Variants in ZMAT4 observed in about 807,000 individuals in gnomAD.
ZMAT4 encodes zinc finger matrin-type protein 4.
A neutral mutation model predicts 28.7 loss-of-function variants in ZMAT4; 17 were observed. The ratio of observed to expected loss-of-function variants is 0.59; its 90% CI spans 0.41 to 0.89. The LOEUF (loss-of-function observed/expected upper bound fraction) is 0.89, where lower values mean the gene tolerates loss of function less well. ZMAT4 is among the 40% of genes least tolerant of loss of function. ZMAT4 has a pLI of 0.00. For missense variants in ZMAT4, 240 were observed against 283.8 expected, an observed-to-expected ratio of 0.85 and a Z score of 1.11; for synonymous variants, 117 against 109.2, an observed-to-expected ratio of 1.07 and a Z score of -0.44.
At chr8:40,669,305 G>A (rs916843987) in intron 5 of ZMAT4, among the ~76,000 whole-genome samples, 4 of 151,980 alleles carry the variant, frequency 2.6e-5, no homozygotes, top group African/African-American at 9.7e-5. Flanking sequence ...TATGACATGG[G>A]CCCTTATATG....
chr8:40,772,701 G>A (rs1813430794), intron 2 of ZMAT4, among the ~76,000 whole-genome samples: 1 of 152,150 alleles, frequency 6.6e-6, no homozygotes, highest in African/African-American at 2.4e-5. Flanking sequence ...TGATTTCCTA[G>A]ATAAGTCTTC....
At chr8:40,677,295 A>AT (rs11311291) in intron 4 of ZMAT4, among the ~76,000 whole-genome samples, 346 of 144,224 alleles carry the variant, frequency 2.4e-3, no homozygotes, top group African/African-American at 5.7e-3. Context: ...AGTTTAAAGG[A>AT]TTTTTTTTTT....
chr8:40,551,741 G>A (rs553074732), intron 6 of ZMAT4, among the ~76,000 whole-genome samples: 4 of 152,274 alleles, frequency 2.6e-5, no homozygotes, highest in Non-Finnish European at 2.9e-5. Flanking sequence ...TCTCACTTAG[G>A]TAGATGCTAT....
intron 5 of ZMAT4, among the ~76,000 whole-genome samples, chr8:40,633,149 C>T (rs1446062690): frequency 2.0e-5 from 3 of 152,180 alleles, no homozygotes; most frequent in African/African-American, 7.2e-5. Flanking sequence ...TTTTGACTTT[C>T]AAGACCTAAT....
intron 1 of ZMAT4, among the ~76,000 whole-genome samples, chr8:40,883,379 C>T (rs575721661): frequency 1.2e-4 from 19 of 152,296 alleles, no homozygotes; most frequent in African/African-American, 4.6e-4. Flanking sequence ...TCATGGTTCA[C>T]ACCAGCATTT....
chr8:40,646,421 T>C lies in ZMAT4; in HGVS notation c.577+28283A>G, dbSNP rs1807318817. ...TATTCTACTTAGAATTAATATTGTA[T>C]CACTTTCCATAAAGTATAAAAACCT... On this transcript the variant is annotated intron_variant, in intron 5 of 6. Coordinates refer to ENST00000297737, the MANE Select transcript of ZMAT4 (RefSeq NM_024645.3). Among the ~76,000 whole-genome samples, 3 of 152,020 alleles carry C rather than the reference T, an allele frequency of 2.0e-5. No homozygotes were observed. The South Asian group carries it at 6.2e-4, about 32-fold the overall frequency.
At chr8:40,750,548 C>T (rs572994517) in intron 3 of ZMAT4, among the ~76,000 whole-genome samples, 134 of 152,166 alleles carry the variant, frequency 8.8e-4, no homozygotes, top group African/African-American at 3.0e-3. Context: ...TTATTAAAAG[C>T]GAATGATACA....
chr8:40,687,783 G>T (rs1349968313), intron 4 of ZMAT4, among the ~76,000 whole-genome samples: 1 of 152,064 alleles, frequency 6.6e-6, no homozygotes, highest in Non-Finnish European at 1.5e-5. Context: ...AAAATGAAAG[G>T]CCAGGCATTA....
intron 5 of ZMAT4, among the ~76,000 whole-genome samples, chr8:40,664,585 G>T (rs1048214303): frequency 6.6e-6 from 1 of 152,164 alleles, no homozygotes; most frequent in Non-Finnish European, 1.5e-5. Flanking sequence ...CTCCAGCCTC[G>T]TTCAAGCTTT....
chr8:40,581,127 T>C, intron 6 of ZMAT4, 38 bp downstream of exon 6: 4 of 1,545,738 alleles, frequency 2.6e-6, no homozygotes, highest in Non-Finnish European at 3.6e-6. Context: ...AAAAATTACA[T>C]CGAAGAAACT....
chr8:40,686,053 T>C (rs563675523), intron 4 of ZMAT4, among the ~76,000 whole-genome samples: 147 of 152,294 alleles, frequency 9.7e-4, no homozygotes, highest in African/African-American at 3.5e-3. Flanking sequence ...ATTCATATAG[T>C]CATGTTTCAT....
chr8:40,681,532 C>T (rs1459809330), intron 4 of ZMAT4, among the ~76,000 whole-genome samples: 2 of 152,178 alleles, frequency 1.3e-5, no homozygotes, highest in East Asian at 1.9e-4. Flanking sequence ...GTAGTGCTGT[C>T]ACCACACAGT....
chr8:40,873,337 T>C (rs1169876525), intron 1 of ZMAT4, among the ~76,000 whole-genome samples: 2 of 152,202 alleles, frequency 1.3e-5, no homozygotes, highest in Non-Finnish European at 1.5e-5. Context: ...TAAAACATTA[T>C]ACAAAATGCA....
At chr8:40,576,531 G>GAAAAA (rs202047657) in intron 6 of ZMAT4, among the ~76,000 whole-genome samples, 1 of 130,036 alleles carries the variant, frequency 7.7e-6, no homozygotes, top group African/African-American at 2.7e-5. Flanking sequence ...GGGCTGAAAG[G>GAAAAA]AAAAAAAAAA....
At chr8:40,718,270 T>C (rs558885537) in intron 3 of ZMAT4, among the ~76,000 whole-genome samples, 1 of 152,338 alleles carries the variant, frequency 6.6e-6, no homozygotes, top group East Asian at 1.9e-4. Flanking sequence ...GTCAGCAGTG[T>C]CACCAGCCTG....
chr8:40,758,336 C>T (rs1002990667), intron 3 of ZMAT4, among the ~76,000 whole-genome samples: 18 of 152,122 alleles, frequency 1.2e-4, no homozygotes, highest in African/African-American at 4.3e-4. Flanking sequence ...CCACATCAGT[C>T]GTAAGAGAAA....
chr8:40,803,723 G>T (rs7846037), intron 2 of ZMAT4, among the ~76,000 whole-genome samples: 63 of 151,994 alleles, frequency 4.1e-4, no homozygotes, highest in African/African-American at 1.1e-3. Context: ...AATCACACTC[G>T]TTGGTATATA....
At chr8:40,723,776 G>C (rs1362382794) in intron 3 of ZMAT4, among the ~76,000 whole-genome samples, 1 of 152,096 alleles carries the variant, frequency 6.6e-6, no homozygotes. Flanking sequence ...TGACTAATGA[G>C]GAGGGCCAGG....
At chr8:40,630,976 C>T (rs1806554307) in intron 5 of ZMAT4, among the ~76,000 whole-genome samples, 1 of 59,898 alleles carries the variant, frequency 1.7e-5, no homozygotes, top group Non-Finnish European at 5.5e-5. Context: ...ATTAGAAATG[C>T]ACATTTTTTT....
Sources: gnomAD v4.1 joint callset for allele counts (sites outside exome capture counted in the v4.1 genomes callset) on GRCh38, gnomAD v4.1.1 for gene constraint, MANE v1.5 for transcripts, NCBI Gene and HGNC (gene_info 2026-07-23, HGNC 2026-07-21) for gene names.